The following TEX14 variants were observed in gnomAD, a reference collection of about 807,000 sequenced individuals.
TEX14 encodes inactive serine/threonine-protein kinase TEX14.
Under a neutral mutation model 178.6 loss-of-function variants are expected in TEX14, and 168 were observed. The ratio of observed to expected loss-of-function variants is 0.94; its 90% CI spans 0.83 to 1.07. The LOEUF (loss-of-function observed/expected upper bound fraction) is 1.07, where lower values mean the gene tolerates loss of function less well. Among genes scored for constraint, TEX14 ranks in the 50% least tolerant of loss-of-function variants. The pLI, the probability that TEX14 is intolerant of heterozygous loss-of-function variation, is 0.00. For missense variants in TEX14, 1,730 were observed against 1,753.6 expected (o/e 0.99, Z 0.24); for synonymous variants, 626 against 634.1 (o/e 0.99, Z 0.19).
chr17:58,566,665 G>A (rs980252723), intron 26 of TEX14, among the ~76,000 whole-genome samples: 2 of 151,806 alleles, frequency 1.3e-5, no homozygotes, highest in Admixed American at 1.3e-4. Flanking sequence ...CGGGCATGGT[G>A]GCACACACCT....
At position 58,621,690 on chromosome 17, in the gene TEX14, G is replaced by A; in HGVS notation, c.514C>T (p.Leu172Phe). 1 of 1,614,210 alleles carries A rather than the reference G, an allele frequency of 6.2e-7. No homozygotes were observed. The highest frequency in any genetic ancestry group is 1.7e-5 in the Admixed American group (1 of 60,022). ...CCACACCAGGACGGGCTGTAGACAAGCCGCTGCGGGGAGTCTATCTTCTTC... is the reference window on the plus strand; with the variant it reads ...CCACACCAGGACGGGCTGTAGACAAACCGCTGCGGGGAGTCTATCTTCTTC... ...LLKKIDSPQR[L>F]VYSPSWCGGL... is the part of the protein sequence containing the mutation. Residue 172 changes from leucine (L) to phenylalanine (F), a missense_variant, in exon 5 of 32, where the codon CTT (leucine) becomes TTT (phenylalanine). Leu to Phe is a conservative substitution (Grantham distance 22). This residue lies in a region of TEX14 where 789 missense variants were observed against 681.2 expected (regional missense o/e 1.16). Transcript: ENST00000349033.
intron 1 of TEX14, among the ~76,000 whole-genome samples, chr17:58,679,028 C>G (rs2047443087): frequency 6.6e-6 from 1 of 151,790 alleles, no homozygotes; most frequent in Non-Finnish European, 1.5e-5. Flanking sequence ...GTGGCGTGTG[C>G]CTGTAATCCC....
At chr17:58,649,457 T>A (rs1451312986) in intron 2 of TEX14, among the ~76,000 whole-genome samples, 1 of 152,108 alleles carries the variant, frequency 6.6e-6, no homozygotes, top group Non-Finnish European at 1.5e-5. Flanking sequence ...GTGGGAGAAT[T>A]TATCGCCCCT....
At chr17:58,589,525 T>A (rs1414870494) in intron 15 of TEX14, among the ~76,000 whole-genome samples, 2 of 134,280 alleles carry the variant, frequency 1.5e-5, no homozygotes, top group Non-Finnish European at 3.1e-5. Flanking sequence ...TCCACTGCGC[T>A]CCAGCTTGGG....
At chr17:58,600,222 A>T (rs1302887252) in intron 13 of TEX14, among the ~76,000 whole-genome samples, 2 of 152,186 alleles carry the variant, frequency 1.3e-5, no homozygotes, top group African/African-American at 4.8e-5. Context: ...CTTGGTGAGC[A>T]TCTGATAACA....
At chr17:58,614,611 C>T (rs2045827988) in intron 8 of TEX14, among the ~76,000 whole-genome samples, 1 of 152,254 alleles carries the variant, frequency 6.6e-6, no homozygotes, top group Non-Finnish European at 1.5e-5. Flanking sequence ...TCCTTTGGTC[C>T]CTTCAAGCCG....
intron 2 of TEX14, among the ~76,000 whole-genome samples, chr17:58,650,790 A>C (rs2143248683): frequency 6.6e-6 from 1 of 152,308 alleles, no homozygotes; most frequent in Admixed American, 6.5e-5. Flanking sequence ...GAACTTTATG[A>C]GAGAACTATT....
chr17:58,616,262 A>G lies in TEX14; in HGVS notation c.680T>C (p.Leu227Pro). 6.2e-7 allele frequency: 1 copy of G among 1,614,048 alleles called. No individual in the cohort carries two copies. Among genetic ancestry groups the G allele is most frequent in the Non-Finnish European group, 8.5e-7 (1 of 1,179,966 alleles). ...GATQMAYLGS[L>P]PVIGEKEVIQ... Reference sequence around the variant, plus strand: ...CACTTCCTTTTCTCCAATGACCGGAAGAGATCCTAGATAGGCCATCTGTGT... The same window carrying G: ...CACTTCCTTTTCTCCAATGACCGGAGGAGATCCTAGATAGGCCATCTGTGT... Residue 227 changes from leucine to proline, a missense_variant, in exon 7 of 32, where the codon CTT (leucine) becomes CCT (proline). By Grantham distance (98) the Leu-to-Pro change is moderately conservative (BLOSUM62 -3). Transcript: ENST00000349033.
At position 58,579,645 on chromosome 17, in the gene TEX14, C is replaced by A; in HGVS notation, c.3238+20G>T. 1 of 1,604,288 alleles carries A rather than the reference C, an allele frequency of 6.2e-7. No homozygotes were observed. Among genetic ancestry groups the A allele is most frequent in the African/African-American group, 1.3e-5 (1 of 74,810 alleles). Reference sequence around the variant, plus strand: ...TTAAGGGAAGTGATTCTCAAGGAATCTTCCCTAAGGGCTTATTACCAGAGA... The same window carrying A: ...TTAAGGGAAGTGATTCTCAAGGAATATTCCCTAAGGGCTTATTACCAGAGA... On this transcript the variant is annotated intron_variant, in intron 20 of 31. Coordinates refer to ENST00000349033, the MANE Select transcript of TEX14 (RefSeq NM_031272.5).
chr17:58,672,196 C>A (rs553386850), intron 1 of TEX14, among the ~76,000 whole-genome samples: 5 of 152,230 alleles, frequency 3.3e-5, no homozygotes, highest in African/African-American at 1.2e-4. Flanking sequence ...GGTGCTCAGG[C>A]AGTAATGACA....
intron 2 of TEX14, chr17:58,631,750 TC>T (rs1490441584): frequency 7.9e-5 from 12 of 151,186 alleles, no homozygotes; most frequent in Non-Finnish European, 1.5e-4. Context: ...CACAAATATC[TC>T]CCTCTCGCGG....
chr17:58,680,067 A>G (rs945277254), intron 1 of TEX14, among the ~76,000 whole-genome samples: 8 of 147,232 alleles, frequency 5.4e-5, no homozygotes, highest in Admixed American at 3.4e-4. Flanking sequence ...TGATGCCACT[A>G]TGGTGTCTTT....
At chr17:58,633,253 C>T (rs2046362646) in intron 2 of TEX14, among the ~76,000 whole-genome samples, 1 of 152,200 alleles carries the variant, frequency 6.6e-6, no homozygotes, top group Admixed American at 6.5e-5. Flanking sequence ...ATTTCCCTGA[C>T]CTCCTTTAGC....
chr17:58,634,511 T>A (rs1014012541), intron 2 of TEX14, among the ~76,000 whole-genome samples: 7 of 152,214 alleles, frequency 4.6e-5, no homozygotes, highest in African/African-American at 1.7e-4. Context: ...CTTGCTGTGT[T>A]ACAAATATTT....
intron 5 of TEX14, among the ~76,000 whole-genome samples, chr17:58,618,675 A>G (rs2045931303): frequency 6.6e-6 from 1 of 152,236 alleles, no homozygotes; most frequent in South Asian, 2.1e-4. Flanking sequence ...GTGCATACTC[A>G]GGGCCAGCCC....
intron 3 of TEX14, among the ~76,000 whole-genome samples, chr17:58,629,846 A>AATAAAT (rs1567746014): frequency 6.9e-6 from 1 of 144,044 alleles, no homozygotes; most frequent in Non-Finnish European, 1.5e-5. Context: ...AAAAAAAAAA[A>AATAAAT]AAATAAATAA....
chr17:58,579,782 C>A (rs749957707), intron 19 of TEX14, 51 bp from the exon 20 acceptor site: 1 of 1,386,420 alleles, frequency 7.2e-7, no homozygotes, highest in East Asian at 2.3e-5. Flanking sequence ...TGGAGGCAGA[C>A]ATATTAAAAG....
intron 2 of TEX14, among the ~76,000 whole-genome samples, chr17:58,639,353 G>A (rs916467518): frequency 6.8e-6 from 1 of 147,034 alleles, no homozygotes; most frequent in East Asian, 2.0e-4. Flanking sequence ...TGCCAGTAGT[G>A]TATACTGGTT....
At chr17:58,616,077 G>A in intron 7 of TEX14, 98 bp downstream of exon 7, 3 of 1,346,084 alleles carry the variant, frequency 2.2e-6, no homozygotes, top group Non-Finnish European at 3.0e-6. Flanking sequence ...GGTGTTCCCT[G>A]TGTTTGAGTA....
Sources: allele counts gnomAD v4.1 joint callset (sites outside exome capture counted in the v4.1 genomes callset), GRCh38; gene constraint gnomAD v4.1.1; regional missense constraint gnomAD v4.1.1; transcripts MANE v1.5; gene names NCBI Gene and HGNC (gene_info 2026-07-23, HGNC 2026-07-21).